Variants in RANBP2 observed in about 807,000 individuals in gnomAD.
The protein encoded by RANBP2 is RAN binding protein 2.
In RANBP2, 57 loss-of-function variants were observed where a neutral mutation model predicts 303.6. The observed-to-expected ratio is 0.19, with a 90% confidence interval of 0.15 to 0.23. RANBP2 has a LOEUF of 0.23. Among genes scored for constraint, RANBP2 ranks in the 10% least tolerant of loss-of-function variants. The probability of loss-of-function intolerance (pLI) is 1.00; values close to 1 mark genes in which losing one functional copy is unlikely to be tolerated. For synonymous variants in RANBP2, 1,167 were observed against 1,301.5 expected (o/e 0.90, Z 2.23); for missense variants, 3,138 against 3,780.8 (o/e 0.83, Z 4.46).
At chr2:108,903,827 A>G in the RANBP2 span, among the ~76,000 whole-genome samples, 1 of 152,232 alleles carries the variant, frequency 6.6e-6, no homozygotes, top group Non-Finnish European at 1.5e-5. Context: ...AATGTAAAAC[A>G]TTAAGCTATA....
At chr2:109,222,913 C>A in the RANBP2 span, among the ~76,000 whole-genome samples, 1 of 152,254 alleles carries the variant, frequency 6.6e-6, no homozygotes, top group South Asian at 2.1e-4. Context: ...GGGACTCAGC[C>A]AGCTGTGAGA....
At chr2:109,649,490 C>T in the RANBP2 span, among the ~76,000 whole-genome samples, 54 of 151,928 alleles carry the variant, frequency 3.6e-4, 1 homozygote, top group East Asian at 8.0e-3. Flanking sequence ...CTCTGCCTCC[C>T]GGGTTCAAGC....
At chr2:108,830,346 A>G in the RANBP2 span, among the ~76,000 whole-genome samples, 1 of 152,228 alleles carries the variant, frequency 6.6e-6, no homozygotes, top group Non-Finnish European at 1.5e-5. Context: ...TGATGGTTAC[A>G]CAACAGTGTG....
the RANBP2 span, among the ~76,000 whole-genome samples, chr2:109,529,109 G>A: frequency 0.35 from 53,522 of 152,148 alleles, 11,402 homozygotes; most frequent in Middle Eastern, 0.55. Flanking sequence ...CCAGGCACCC[G>A]GTGGCTGCAG....
chr2:108,904,716 G>A, the RANBP2 span, among the ~76,000 whole-genome samples: 2 of 152,150 alleles, frequency 1.3e-5, no homozygotes, highest in Non-Finnish European at 2.9e-5. Flanking sequence ...CATTCACCAC[G>A]GTTACATACC....
chr2:109,535,400 T>A, the RANBP2 span, among the ~76,000 whole-genome samples: 2 of 152,242 alleles, frequency 1.3e-5, no homozygotes, highest in East Asian at 1.9e-4. Flanking sequence ...ATGCCTCCCA[T>A]GGAATGCACA....
At chr2:109,689,077 T>C in the RANBP2 span, among the ~76,000 whole-genome samples, 1 of 152,006 alleles carries the variant, frequency 6.6e-6, no homozygotes, top group Admixed American at 6.6e-5. Context: ...CAGCTAATTG[T>C]TGTACTTTTA....
At chr2:109,542,243 C>A in the RANBP2 span, among the ~76,000 whole-genome samples, 8 of 152,082 alleles carry the variant, frequency 5.3e-5, no homozygotes, top group Non-Finnish European at 1.0e-4. Flanking sequence ...TTGTTCAACT[C>A]TTTTAAAATA....
At chr2:109,043,136 C>T in the RANBP2 span, among the ~76,000 whole-genome samples, 14 of 152,182 alleles carry the variant, frequency 9.2e-5, no homozygotes, top group Admixed American at 7.2e-4. Flanking sequence ...CAAGCATCTA[C>T]AGGAGCCCTG....
At chr2:109,574,908 T>TAA in the RANBP2 span, 6 of 496,984 alleles carry the variant, frequency 1.2e-5, no homozygotes, top group African/African-American at 1.0e-4. Context: ...ACTTTAGTGA[T>TAA]AAAAAAATGT....
chr2:109,660,535 C>G, the RANBP2 span, among the ~76,000 whole-genome samples: 1 of 152,196 alleles, frequency 6.6e-6, no homozygotes, highest in Admixed American at 6.5e-5. Context: ...GACCCTCCAC[C>G]AGTAACACCA....
the RANBP2 span, among the ~76,000 whole-genome samples, chr2:109,624,450 G>A: frequency 6.6e-6 from 1 of 152,184 alleles, no homozygotes; most frequent in Non-Finnish European, 1.5e-5. Flanking sequence ...TTCACTACTA[G>A]AGTGTTCTTC....
chr2:108,888,778 ATTT>A, the RANBP2 span, among the ~76,000 whole-genome samples: 1 of 150,856 alleles, frequency 6.6e-6, no homozygotes, highest in African/African-American at 2.4e-5. Context: ...GAGTCTTTGT[ATTT>A]TTTTAAGTCC....
At chr2:109,634,119 CAAAAAAAAAAAAAAAAA>C in the RANBP2 span, among the ~76,000 whole-genome samples, 2 of 56,086 alleles carry the variant, frequency 3.6e-5, no homozygotes, top group South Asian at 2.5e-3. Context: ...GACTCTGTCT[CAAAAAAAAAAAAAAAAA>C]AAAAAAAAAA....
the RANBP2 span, among the ~76,000 whole-genome samples, chr2:108,806,926 A>G: frequency 1.3e-5 from 2 of 152,218 alleles, no homozygotes; most frequent in East Asian, 3.8e-4. Context: ...TGAAAGGAGC[A>G]GCATTGTGCC....
chr2:109,710,228 A>G, the RANBP2 span, among the ~76,000 whole-genome samples: 1 of 145,210 alleles, frequency 6.9e-6, no homozygotes, highest in African/African-American at 2.6e-5. Context: ...CTAAAAATTC[A>G]AAAATTAGCC....
chr2:108,948,899 C>T, the RANBP2 span, among the ~76,000 whole-genome samples: 1 of 152,162 alleles, frequency 6.6e-6, no homozygotes, highest in African/African-American at 2.4e-5. Flanking sequence ...AGGATGATCA[C>T]TTGAGGCCAG....
At chr2:108,954,784 T>C in the RANBP2 span, among the ~76,000 whole-genome samples, 1 of 152,026 alleles carries the variant, frequency 6.6e-6, no homozygotes, top group Non-Finnish European at 1.5e-5. Context: ...CAAGCGATTC[T>C]CCTGTCTCAG....
chr2:109,291,206 T>C, the RANBP2 span, among the ~76,000 whole-genome samples: 1 of 152,068 alleles, frequency 6.6e-6, no homozygotes, highest in Non-Finnish European at 1.5e-5. Context: ...TTGAAAATGC[T>C]GTCAGGATAT....
Sources: gnomAD v4.1 joint callset for allele counts (sites outside exome capture counted in the v4.1 genomes callset) on GRCh38, gnomAD v4.1.1 for gene constraint, MANE v1.5 for transcripts, NCBI Gene and HGNC (gene_info 2026-07-23, HGNC 2026-07-21) for gene names.